Variants in SEC31B observed in about 807,000 individuals in gnomAD.
SEC31B encodes the protein protein transport protein Sec31B.
In SEC31B, 113 loss-of-function variants were observed where a neutral mutation model predicts 135.0. The ratio of observed to expected loss-of-function variants is 0.84; its 90% CI spans 0.72 to 0.98. The LOEUF is 0.98. Among genes scored for constraint, SEC31B ranks in the 50% least tolerant of loss-of-function variants. The probability of loss-of-function intolerance (pLI) is 0.00; values close to 1 mark genes in which losing one functional copy is unlikely to be tolerated. For missense variants in SEC31B, 1,296 were observed against 1,421.1 expected (o/e 0.91, Z 1.42); for synonymous variants, 508 against 549.4 (o/e 0.92, Z 1.05).
intron 14 of SEC31B, 93 bp downstream of exon 14, chr10:100,498,612 G>A (rs1293127974): frequency 2.1e-5 from 18 of 862,906 alleles, no homozygotes; most frequent in Non-Finnish European, 3.0e-5. Context: ...AAGGCACGAG[G>A]CAGGGGACAA....
intron 1 of SEC31B, among the ~76,000 whole-genome samples, chr10:100,518,627 T>C (rs1379630475): frequency 1.3e-5 from 2 of 152,224 alleles, no homozygotes; most frequent in African/African-American, 4.8e-5. Context: ...CTAATTCCAA[T>C]GTATATTCAA....
chr10:100,498,386 C>A lies in SEC31B; in HGVS notation c.1685-179G>T, dbSNP rs146248278. On this transcript the variant is annotated intron_variant, in intron 14 of 25. Coordinates refer to ENST00000370345, the MANE Select transcript of SEC31B (RefSeq NM_015490.4). Reference sequence around the variant, plus strand: ...GTATTTTGGTGCCCAGGTCTAAAGACAGGGCCCAAGACAAGGGAGGGAACT... The same window carrying A: ...GTATTTTGGTGCCCAGGTCTAAAGAAAGGGCCCAAGACAAGGGAGGGAACT... The A allele has an allele frequency of 1.2e-3, 796 of 670,148 alleles. 7 individuals are homozygous for A. The African/African-American group carries it at 0.013, about 11-fold the overall frequency. The allele number at this position is 670,148 out of a possible 1,614,324, so 41.5% of individuals were successfully genotyped here. A position where few individuals can be genotyped will look rare whatever the true frequency, so the allele number is the denominator to read the frequency against.
chr10:100,488,558 A>G (rs531627151), intron 24 of SEC31B, among the ~76,000 whole-genome samples: 37 of 151,982 alleles, frequency 2.4e-4, no homozygotes, highest in African/African-American at 8.7e-4. Context: ...TGACTTGCTC[A>G]AGCCGACACA....
intron 10 of SEC31B, 72 bp downstream of exon 10, chr10:100,505,289 A>T: frequency 6.4e-7 from 1 of 1,556,900 alleles, no homozygotes. Context: ...GGCACATGGT[A>T]GGCTTCACAA....
chr10:100,509,069 C>T lies in SEC31B; in HGVS notation c.433G>A (p.Glu145Lys). Residue 145 changes from glutamate to lysine, a missense_variant, in exon 5 of 26, where the codon GAA becomes AAA. Coordinates refer to ENST00000370345, the MANE Select transcript of SEC31B (RefSeq NM_015490.4). ...NLLASGASDS[E>K]IFIWDLNNLN... The stretch of plus-strand genomic sequence containing the variant: ...TTATTCAGATCCCAAATGAAGATTT[C>T]AGAATCGCTGGCCCCTGAAGCCAGG... The T allele has an allele frequency of 6.2e-7, 1 of 1,614,136 alleles. No homozygotes were observed. The highest frequency in any genetic ancestry group is 8.5e-7 in the Non-Finnish European group (1 of 1,180,034).
chr10:100,496,598 G>A (rs1851414524), intron 17 of SEC31B, among the ~76,000 whole-genome samples, 167 bp from the exon 18 acceptor site: 1 of 152,168 alleles, frequency 6.6e-6, no homozygotes, highest in South Asian at 2.1e-4. Context: ...GACAGAGAAG[G>A]GCCACCTGGC....
chr10:100,496,301 C>T lies in SEC31B; in HGVS notation c.2267G>A (p.Ser756Asn), dbSNP rs114072834. 2,339 of 1,614,218 alleles carry T rather than the reference C, an allele frequency of 1.4e-3. 26 individuals carry two copies. The African/African-American group carries it at 0.024, about 17-fold the overall frequency. The part of the protein sequence containing the change: ...QYANLLAAQG[S>N]LATAMSFLPR... ...TAGAAAGCTCATGGCAGTGGCCAGGCTGCCCTGGGCTGCCAGGAGGTTGGC... is the reference window on the plus strand; with the variant it reads ...TAGAAAGCTCATGGCAGTGGCCAGGTTGCCCTGGGCTGCCAGGAGGTTGGC... The change falls in exon 18 of 26, where the codon AGC becomes AAC. Residue 756 changes from serine (S) to asparagine (N), a missense_variant. Transcript: ENST00000370345.
In SEC31B at chr10:100,489,411, A is replaced by T. The variant is rs553616810; in HGVS notation, c.3025-13T>A. The stretch of plus-strand genomic sequence containing the variant: ...ATGTCTCTGGCAGCTAAAGAGACAG[A>T]AGGAAAGACATGAGTCTAACCTGAG... On this transcript the variant is annotated splice_polypyrimidine_tract_variant and intron_variant, in intron 22 of 25. Coordinates refer to ENST00000370345, the MANE Select transcript of SEC31B (RefSeq NM_015490.4). 3 of 1,613,030 alleles carry T rather than the reference A, an allele frequency of 1.9e-6. No individual in the cohort carries two copies. The highest frequency in any genetic ancestry group is 2.5e-6 in the Non-Finnish European group (3 of 1,179,732).
rs768855558 is a variant in SEC31B, at chr10:100,496,356, G to A, written c.2212C>T (p.Pro738Ser). 1 of 1,614,174 alleles carries A rather than the reference G, an allele frequency of 6.2e-7. No homozygotes were observed. Among genetic ancestry groups the A allele is most frequent in the Non-Finnish European group, 8.5e-7 (1 of 1,180,028 alleles). The change falls in exon 18 of 26, where the codon CCT (proline) becomes TCT (serine). Residue 738 changes from proline (P) to serine (S), a missense_variant. Transcript: ENST00000370345. ...TGAGTGACCCTGTAGGTTGTGGCAG[G>A]GCCTGGGCTCACCCCATGAGGACCC... ...LRGPHGVSPG[P>S]ATTYRVTQYA...
At chr10:100,492,321 T>A (rs1851316412) in intron 19 of SEC31B, among the ~76,000 whole-genome samples, 1 of 152,056 alleles carries the variant, frequency 6.6e-6, no homozygotes, top group Admixed American at 6.6e-5. Context: ...ACCTCCCGGG[T>A]TCAAGCGACT....
chr10:100,487,663 G>T lies in SEC31B; in HGVS notation c.3493C>A (p.Pro1165Thr), dbSNP rs1851206433. The T allele has an allele frequency of 2.5e-6, 4 of 1,613,544 alleles. No individual in the cohort carries two copies. The highest frequency in any genetic ancestry group is 1.3e-5 in the African/African-American group (1 of 74,934). ...ATGATGAGGACAGCCTTCAGGATAG[G>T]CATGAAGCTGGACACCTCGCTGAAG... Reference protein sequence around the residue: ...SSFSEVSSFMPILKAVLIIAH... With the variant: ...SSFSEVSSFMTILKAVLIIAH... The change falls in exon 26 of 26, where the codon CCT (proline) becomes ACT (threonine). Residue 1165 changes from proline (P) to threonine (T), a missense_variant. Transcript: ENST00000370345.
intron 20 of SEC31B, 95 bp from the exon 21 acceptor site, chr10:100,490,417 T>A (rs928549080): frequency 1.3e-5 from 16 of 1,242,322 alleles, no homozygotes; most frequent in South Asian, 4.8e-5. Flanking sequence ...AATAAAAAAA[T>A]AATAAATGAT....
intron 11 of SEC31B, among the ~76,000 whole-genome samples, chr10:100,499,849 T>C (rs1243705041): frequency 1.3e-5 from 2 of 152,224 alleles, no homozygotes; most frequent in Non-Finnish European, 2.9e-5. Flanking sequence ...CCTAGCTCTG[T>C]TACCCTGGTA....
chr10:100,507,621 T>C, intron 6 of SEC31B, 54 bp from the exon 7 acceptor site: 1 of 1,606,584 alleles, frequency 6.2e-7, no homozygotes, highest in Non-Finnish European at 8.5e-7. Flanking sequence ...TTTGCCCAGT[T>C]GAAATGGGAC....
chr10:100,512,190 A>T (rs944970223), intron 3 of SEC31B, among the ~76,000 whole-genome samples: 3 of 152,172 alleles, frequency 2.0e-5, no homozygotes, highest in Non-Finnish European at 4.4e-5. Context: ...ATGACAGAAG[A>T]CAGATCCTCT....
rs1378277861 is a variant in SEC31B, at chr10:100,496,406, A to C, written c.2162T>G (p.Leu721Arg). 6.2e-7 allele frequency: 1 copy of C among 1,614,184 alleles called. No individual in the cohort carries two copies. The highest frequency in any genetic ancestry group is 2.2e-5 in the East Asian group (1 of 44,874). ...CCGCAGTTGCTCCAAGCTCCTGTTA[A>C]GAACCATCACCTTCTCCATCAGGTC... The part of the protein sequence containing the change: ...LQDLMEKVMV[L>R]NRSLEQLRGP... The change falls in exon 18 of 26, where the codon CTT (leucine) becomes CGT (arginine). Residue 721 changes from leucine to arginine, a missense_variant. Physicochemically the swap from Leu to Arg is moderately radical, Grantham distance 102. Transcript: ENST00000370345.
At chr10:100,512,669 A>T (rs1302709155) in intron 3 of SEC31B, among the ~76,000 whole-genome samples, 2 of 152,240 alleles carry the variant, frequency 1.3e-5, no homozygotes, top group East Asian at 3.8e-4. Context: ...GTTTGGAGAA[A>T]AGAGCAGGCA....
At chr10:100,518,319 G>T (rs1463366042) in intron 1 of SEC31B, among the ~76,000 whole-genome samples, 1 of 152,130 alleles carries the variant, frequency 6.6e-6, no homozygotes, top group Non-Finnish European at 1.5e-5. Context: ...TACTTTGAAT[G>T]CTCTTCCCTT....
At chr10:100,495,245 T>C in intron 19 of SEC31B, 140 bp downstream of exon 19, 1 of 832,974 alleles carries the variant, frequency 1.2e-6, no homozygotes, top group Non-Finnish European at 1.9e-6. Flanking sequence ...AACAGTTATT[T>C]ATTATAAAAA....
Sources: allele counts gnomAD v4.1 joint callset (sites outside exome capture counted in the v4.1 genomes callset), GRCh38; gene constraint gnomAD v4.1.1; transcripts MANE v1.5; gene names NCBI Gene and HGNC (gene_info 2026-07-23, HGNC 2026-07-21).